Variants in UGP2 observed in about 807,000 individuals in gnomAD.
The protein encoded by UGP2 is UTP--glucose-1-phosphate uridylyltransferase.
In UGP2, 40 loss-of-function variants were observed where a neutral mutation model predicts 49.0. The ratio of observed to expected loss-of-function variants is 0.82; its 90% CI spans 0.63 to 1.06. UGP2 has a LOEUF of 1.06. Ranked by LOEUF, UGP2 falls within the 50% of genes least tolerant of loss-of-function variation. The pLI, the probability that UGP2 is intolerant of heterozygous loss-of-function variation, is 0.00. For synonymous variants in UGP2, 225 were observed against 213.0 expected, an observed-to-expected ratio of 1.06 and a Z score of -0.49; for missense variants, 460 against 603.5, an observed-to-expected ratio of 0.76 and a Z score of 2.49.
chr2:63,887,181 T>G lies in UGP2; in HGVS notation c.1072-221T>G, dbSNP rs144952900. On this transcript the variant is annotated intron_variant, in intron 7 of 9. Transcript: ENST00000337130. ...CGGGAAGCTGAGGCATAAGAATTGCTTGAACCCAGGAGGGCAGAGGCTACA... is the reference window on the plus strand; with the variant it reads ...CGGGAAGCTGAGGCATAAGAATTGCGTGAACCCAGGAGGGCAGAGGCTACA... Among the ~76,000 whole-genome samples the G allele has an allele frequency of 6.3e-3, 964 of 152,038 alleles. 17 individuals are homozygous for G. The highest frequency in any genetic ancestry group is 0.022 in the African/African-American group (920 of 41,478).
intron 1 of UGP2, among the ~76,000 whole-genome samples, chr2:63,846,707 C>T (rs2104243541): frequency 6.6e-6 from 1 of 152,294 alleles, no homozygotes; most frequent in Non-Finnish European, 1.5e-5. Context: ...CCGAGGAATA[C>T]AGAGATGAGA....
At chr2:63,873,731 G>T (rs1670721094) in intron 3 of UGP2, among the ~76,000 whole-genome samples, 1 of 152,116 alleles carries the variant, frequency 6.6e-6, no homozygotes. Context: ...AGAAGAAAGA[G>T]TGGAAGGTAA....
At chr2:63,851,979 TGTATGTCTTTTTTCA>T (rs1450547546) in intron 1 of UGP2, among the ~76,000 whole-genome samples, 3 of 152,132 alleles carry the variant, frequency 2.0e-5, no homozygotes, top group Non-Finnish European at 4.4e-5. Flanking sequence ...TCTTTTCTCA[TGTATGTCTTTTTTCA>T]GTGAGGAACA....
At chr2:63,875,665 C>T (rs1188816585) in intron 3 of UGP2, among the ~76,000 whole-genome samples, 3 of 152,136 alleles carry the variant, frequency 2.0e-5, no homozygotes, top group Non-Finnish European at 4.4e-5. Context: ...TTCACTTATC[C>T]CCCAGAGGAT....
rs1392163422 is a variant in UGP2 at position 63,868,308 on chromosome 2, A to AG, written c.255+10374dup. ...GTTGTCAAAATTTGGGTGAAATTTTAGGAAGGATGGTTGATGGCCATCATA... is the reference window on the plus strand; with the variant it reads ...GTTGTCAAAATTTGGGTGAAATTTTAGGGAAGGATGGTTGATGGCCATCATA... On this transcript the variant is annotated intron_variant, in intron 3 of 9. Coordinates refer to ENST00000337130, the MANE Select transcript of UGP2 (RefSeq NM_006759.4). Among the ~76,000 whole-genome samples the AG allele has an allele frequency of 2.0e-5, 3 of 152,370 alleles. No individual in the cohort carries two copies. The East Asian group carries it at 5.8e-4, about 29-fold the overall frequency.
rs1461236967 is a variant in UGP2 at position 63,885,653 on chromosome 2, A to G, written c.640A>G (p.Asn214Asp). ...VAKDVSYSGENTEAWYPPGHG... is the reference protein window; with the variant it reads ...VAKDVSYSGEDTEAWYPPGHG... ...AAAGGACGTGTCTTACTCAGGGGAA[A>G]ATACAGAAGCTTGGTACCCTCCAGG... Residue 214 changes from asparagine (N) to aspartate (D), a missense_variant, in exon 6 of 10, where the codon AAT becomes GAT. By Grantham distance (23) the Asn-to-Asp change is conservative (BLOSUM62 1). Transcript: ENST00000337130. 1 of 1,611,598 alleles carries G rather than the reference A, an allele frequency of 6.2e-7. No homozygotes were observed. The highest frequency in any genetic ancestry group is 1.3e-5 in the African/African-American group (1 of 74,734).
chr2:63,847,378 A>T (rs1345667990), intron 1 of UGP2, among the ~76,000 whole-genome samples: 4 of 152,220 alleles, frequency 2.6e-5, no homozygotes, highest in African/African-American at 9.6e-5. Context: ...GAGGAACATC[A>T]GTTGGCCTAA....
At chr2:63,849,623 C>A (rs1668909434) in intron 1 of UGP2, among the ~76,000 whole-genome samples, 1 of 152,192 alleles carries the variant, frequency 6.6e-6, no homozygotes, top group South Asian at 2.1e-4. Context: ...GTTTTAACCT[C>A]ACATAGCAGA....
intron 1 of UGP2, chr2:63,842,609 G>A: frequency 6.9e-7 from 1 of 1,454,294 alleles, no homozygotes; most frequent in Non-Finnish European, 9.1e-7. Context: ...GGTGGGTTTT[G>A]CCGGGACTGT....
rs554222093 is a variant in UGP2, at chr2:63,856,017, A to G, written c.20-289A>G. On this transcript the variant is annotated intron_variant, in intron 1 of 9. Coordinates refer to ENST00000337130, the MANE Select transcript of UGP2 (RefSeq NM_006759.4). Reference sequence around the variant, plus strand: ...CTGAAATTGGGAACCAGAAGATGGCAGGCAGCCCTATGCCCTTCTCCTTTT... The same window carrying G: ...CTGAAATTGGGAACCAGAAGATGGCGGGCAGCCCTATGCCCTTCTCCTTTT... 5.7e-5 allele frequency: 15 copies of G among 264,526 alleles called. No homozygotes were observed. In the East Asian group the frequency reaches 1.4e-3, roughly 25 times the overall value. 16.4% of individuals were successfully genotyped at this position (264,526 alleles called of 1,614,324 possible).
rs1373219509 is a variant in UGP2, at chr2:63,887,690, A to C, written c.1314+46A>C. ...GTGAGTTCATATTTCTTAAATGTGT[A>C]ATTATAAAGATATGATATACATGTG... On this transcript the variant is annotated intron_variant, in intron 8 of 9. Coordinates refer to ENST00000337130, the MANE Select transcript of UGP2 (RefSeq NM_006759.4). 6 of 1,600,568 alleles carry C rather than the reference A, an allele frequency of 3.7e-6. No individual in the cohort carries two copies. In the African/African-American group the frequency reaches 8.1e-5, roughly 22 times the overall value.
chr2:63,881,308 T>C (rs1329786345), intron 3 of UGP2, among the ~76,000 whole-genome samples: 1 of 151,714 alleles, frequency 6.6e-6, no homozygotes, highest in Non-Finnish European at 1.5e-5. Flanking sequence ...ATCACTGGAG[T>C]GTGAGCCTGT....
chr2:63,862,661 A>G (rs1321914284), intron 3 of UGP2, among the ~76,000 whole-genome samples: 5 of 152,140 alleles, frequency 3.3e-5, no homozygotes, highest in African/African-American at 4.8e-5. Flanking sequence ...TTTGTGTCCA[A>G]AGTAGAGGAC....
At chr2:63,855,520 G>GTTTTTTTTTTTTTTTTTTTTTTCTTTT in intron 1 of UGP2, 1 of 192,240 alleles carries the variant, frequency 5.2e-6, no homozygotes, top group Non-Finnish European at 1.0e-5. Flanking sequence ...TTCTTTTTCT[G>GTTTTTTTTTTTTTTTTTTTTTTCTTTT]TTTTTTTTTT....
chr2:63,866,352 A>G (rs192253894), intron 3 of UGP2, among the ~76,000 whole-genome samples: 1 of 152,316 alleles, frequency 6.6e-6, no homozygotes, highest in African/African-American at 2.4e-5. Flanking sequence ...CTTTTTCATG[A>G]TTCTATGCTT....
chr2:63,863,067 T>C (rs2104298662), intron 3 of UGP2: 1 of 277,220 alleles, frequency 3.6e-6, no homozygotes, highest in East Asian at 1.0e-4. Flanking sequence ...GGGTCAGATG[T>C]TCCACAAGGT....
chr2:63,856,546 C>A, intron 2 of UGP2, 113 bp downstream of exon 2: 2 of 1,261,628 alleles, frequency 1.6e-6, no homozygotes, highest in Middle Eastern at 1.9e-4. Flanking sequence ...ACAAGATGTA[C>A]GATAACATCA....
intron 3 of UGP2, among the ~76,000 whole-genome samples, chr2:63,863,338 C>G (rs1041469628): frequency 2.6e-5 from 4 of 152,064 alleles, no homozygotes; most frequent in African/African-American, 9.7e-5. Context: ...CAGTGTTTTA[C>G]TTATTTCTTG....
intron 3 of UGP2, among the ~76,000 whole-genome samples, chr2:63,870,689 C>G (rs1670489043): frequency 1.3e-5 from 2 of 152,180 alleles, no homozygotes; most frequent in South Asian, 4.1e-4. Context: ...CATTTATTCG[C>G]TTATTCACAA....
Sources: gnomAD v4.1 joint callset for allele counts (sites outside exome capture counted in the v4.1 genomes callset) on GRCh38, gnomAD v4.1.1 for gene constraint, MANE v1.5 for transcripts, NCBI Gene and HGNC (gene_info 2026-07-23, HGNC 2026-07-21) for gene names.